ZSCAN10: variants seen among roughly 807,000 people sequenced by gnomAD.
ZSCAN10 encodes the protein zinc finger and SCAN domain containing 10.
ZSCAN10 carries 52 observed loss-of-function variants against 63.7 expected under a neutral mutation model. The ratio of observed to expected loss-of-function variants is 0.82; its 90% CI spans 0.65 to 1.03. ZSCAN10 has a LOEUF of 1.03. Ranked by LOEUF, ZSCAN10 falls within the 50% of genes least tolerant of loss-of-function variation. The pLI, the probability that ZSCAN10 is intolerant of heterozygous loss-of-function variation, is 0.00. For missense variants in ZSCAN10, 1,223 were observed against 1,103.8 expected (o/e 1.11, Z -1.53); for synonymous variants, 544 against 479.6 (o/e 1.13, Z -1.76).
At chr16:3,098,812 G>A (rs1957187450) in intron 1 of ZSCAN10, among the ~76,000 whole-genome samples, 1 of 152,220 alleles carries the variant, frequency 6.6e-6, no homozygotes, top group Non-Finnish European at 1.5e-5. Flanking sequence ...GGCAAAGGTG[G>A]GGTCCTCAGC....
intron 1 of ZSCAN10, among the ~76,000 whole-genome samples, chr16:3,094,183 T>C (rs967626944): frequency 6.7e-6 from 1 of 148,680 alleles, no homozygotes. Flanking sequence ...GGGTTAATTT[T>C]ATTTATTTTT....
rs369580061 is a variant in ZSCAN10, at chr16:3,092,282, C to T, written c.431G>A (p.Arg144His). The T allele has an allele frequency of 1.9e-5, 30 of 1,611,610 alleles. No individual in the cohort carries two copies. The highest frequency in any genetic ancestry group is 1.7e-4 in the Admixed American group (10 of 59,712). ...CTTTTCCTCCAAGGTGACGTCTGCA[C>T]GGGGACAACTCTTGCCAGCATTACA... is the stretch of plus-strand genomic sequence containing the variant. The part of the protein sequence containing the change: ...FSCNAGKSCP[R>H]ADVTLEEKGC... The change falls in exon 3 of 6, where the codon CGT becomes CAT. Residue 144 changes from arginine (R) to histidine (H), a missense_variant. By Grantham distance (29) the Arg-to-His change is conservative. Coordinates refer to ENST00000576985, the MANE Select transcript of ZSCAN10 (RefSeq NM_032805.3).
chr16:3,090,229 C>T lies in ZSCAN10; in HGVS notation c.1205G>A (p.Arg402Gln). Reference protein sequence around the residue: ...KLHMRTHTDERPHACHLCGHR... With the variant: ...KLHMRTHTDEQPHACHLCGHR... ...GCCGCACAGGTGGCAGGCGTGCGGC[C>T]GCTCGTCCGTGTGAGTGCGCATGTG... Residue 402 changes from arginine to glutamine, a missense_variant, in exon 6 of 6, where the codon CGG (arginine) becomes CAG (glutamine). Physicochemically the swap from Arg to Gln is conservative, Grantham distance 43. Transcript: ENST00000576985. 2 of 1,606,858 alleles carry T rather than the reference C, an allele frequency of 1.2e-6. No homozygotes were observed. Among genetic ancestry groups the T allele is most frequent in the Non-Finnish European group, 1.7e-6 (2 of 1,179,560 alleles).
rs1418855277 is a variant in ZSCAN10 at position 3,089,809 on chromosome 16, C to T, written c.1625G>A (p.Arg542Lys). Residue 542 changes from arginine to lysine, a missense_variant, in exon 6 of 6, where the codon AGG becomes AAG. Physicochemically the swap from Arg to Lys is conservative, Grantham distance 26. Transcript: ENST00000576985. The part of the protein sequence containing the change: ...RRSEHLVAHR[R>K]VHTGERPFSC... ...GAAGGGCCGCTCGCCCGTGTGCACC[C>T]TCCGGTGGGCCACCAGGTGCTCGCT... 5 of 1,579,580 alleles carry T rather than the reference C, an allele frequency of 3.2e-6. No homozygotes were observed. Among genetic ancestry groups the T allele is most frequent in the South Asian group, 1.1e-5 (1 of 88,492 alleles).
At chr16:3,093,386 G>A (rs973188390) in intron 1 of ZSCAN10, 2 of 152,226 alleles carry the variant, frequency 1.3e-5, no homozygotes, top group Non-Finnish European at 2.9e-5. Flanking sequence ...CAATTAGCCA[G>A]GCTAATTTAG....
At position 3,092,220 on chromosome 16, in the gene ZSCAN10, T is replaced by G. The variant is rs200920993; in HGVS notation, c.493A>C (p.Lys165Gln). 1 of 1,612,680 alleles carries G rather than the reference T, an allele frequency of 6.2e-7. No homozygotes were observed. Among genetic ancestry groups the G allele is most frequent in the East Asian group, 2.2e-5 (1 of 44,876 alleles). The change falls in exon 3 of 6, where the codon AAG (lysine) becomes CAG (glutamine). Residue 165 changes from lysine (K) to glutamine (Q), a missense_variant. Transcript: ENST00000576985. ...ASQVPSHSPKKELPAEEPSVL... is the reference protein window; with the variant it reads ...ASQVPSHSPKQELPAEEPSVL... ...GAAGGCTCTTCCGCAGGCAATTCCT[T>G]CTTGGGGCTGTGGCTGGGGACCTGG...
Position 3,090,626 on chromosome 16 carries a change from C to T in ZSCAN10, c.808G>A (p.Asp270Asn). The T allele has an allele frequency of 6.5e-7, 1 of 1,546,130 alleles. No homozygotes were observed. Among genetic ancestry groups the T allele is most frequent in the Non-Finnish European group, 8.7e-7 (1 of 1,146,158 alleles). Residue 270 changes from aspartate (D) to asparagine (N), a missense_variant, in exon 6 of 6, where the codon GAC (aspartate) becomes AAC (asparagine). Asp to Asn is a conservative substitution (Grantham distance 23). Coordinates refer to ENST00000576985, the MANE Select transcript of ZSCAN10 (RefSeq NM_032805.3). ...HPLGFGSRTP[D>N]KEEFKQEEPK... ...TCTTCTTGTTTAAATTCCTCCTTGT[C>T]TGGGGTTCTGCTTCCGAATCCTGGG...
chr16:3,089,567 G>C lies in ZSCAN10; in HGVS notation c.1867C>G (p.Arg623Gly). The stretch of plus-strand genomic sequence containing the variant: ...TCGCCCGTGTGGCTGCGCTGGTGGC[G>C]GGCCAGATCCTGGGTCTGGCCGAAA... ...KSFGQTQDLA[R>G]HQRSHTGEKP... Residue 623 changes from arginine (R) to glycine (G), a missense_variant, in exon 6 of 6, where the codon CGC becomes GGC. Physicochemically the swap from Arg to Gly is moderately radical, Grantham distance 125. Transcript: ENST00000576985. 1.9e-6 allele frequency: 3 copies of C among 1,591,892 alleles called. No individual in the cohort carries two copies. Among genetic ancestry groups the C allele is most frequent in the Admixed American group, 1.8e-5 (1 of 56,730 alleles).
In ZSCAN10 at chr16:3,089,558, G is replaced by T; in HGVS notation, c.1876C>A (p.Arg626Ser). The T allele has an allele frequency of 1.3e-6, 2 of 1,597,964 alleles. No homozygotes were observed. Among genetic ancestry groups the T allele is most frequent in the Non-Finnish European group, 1.7e-6 (2 of 1,172,738 alleles). Reference protein sequence around the residue: ...GQTQDLARHQRSHTGEKPCRC... With the variant: ...GQTQDLARHQSSHTGEKPCRC... ...CAGGGCTTCTCGCCCGTGTGGCTGC[G>T]CTGGTGGCGGGCCAGATCCTGGGTC... The change falls in exon 6 of 6, where the codon CGC becomes AGC. Residue 626 changes from arginine to serine, a missense_variant. Coordinates refer to ENST00000576985, the MANE Select transcript of ZSCAN10 (RefSeq NM_032805.3).
chr16:3,089,195 T>G lies in ZSCAN10; in HGVS notation c.2239A>C (p.Thr747Pro). The change falls in exon 6 of 6, where the codon ACG becomes CCG. Residue 747 changes from threonine to proline, a missense_variant. Thr to Pro is a conservative substitution (Grantham distance 38). Coordinates refer to ENST00000576985, the MANE Select transcript of ZSCAN10 (RefSeq NM_032805.3). ...GTGCAGGAGTAGGGCCTGGCGCCCG[T>G]GTGCACCAGCAGGTGTCGCAGCAGA... ...CNLLRHLLVH[T>P]GARPYSCTQC... The G allele has an allele frequency of 6.3e-7, 1 of 1,582,248 alleles. No individual in the cohort carries two copies. The highest frequency in any genetic ancestry group is 8.5e-7 in the Non-Finnish European group (1 of 1,171,528).
At position 3,090,315 on chromosome 16, in the gene ZSCAN10, C is replaced by T; in HGVS notation, c.1119G>A (p.Gly373=). 2 of 1,609,578 alleles carry T rather than the reference C, an allele frequency of 1.2e-6. No individual in the cohort carries two copies. The highest frequency in any genetic ancestry group is 1.7e-6 in the Non-Finnish European group (2 of 1,178,558). Residue 373 remains glycine (G), a synonymous_variant, in exon 6 of 6, where the codon GGG becomes GGA. Coordinates refer to ENST00000576985, the MANE Select transcript of ZSCAN10 (RefSeq NM_032805.3). ...CGCAGCAAAGGCACAGGAAGGAGCGCCCAGCCGGGTGCGAGCGCAGCTGGT... is the reference window on the plus strand; with the variant it reads ...CGCAGCAAAGGCACAGGAAGGAGCGTCCAGCCGGGTGCGAGCGCAGCTGGT... ...KAHQLRSHPA[G]RSFLCLCCGK...
At chr16:3,096,825 A>G (rs1269184774) in intron 1 of ZSCAN10, among the ~76,000 whole-genome samples, 1 of 151,544 alleles carries the variant, frequency 6.6e-6, no homozygotes, top group African/African-American at 2.4e-5. Flanking sequence ...GCTACTCAGG[A>G]GGCTGAGAGA....
At chr16:3,098,116 A>G (rs960046238) in intron 1 of ZSCAN10, among the ~76,000 whole-genome samples, 4 of 151,826 alleles carry the variant, frequency 2.6e-5, no homozygotes, top group Admixed American at 1.3e-4. Context: ...GGGAGGGGGA[A>G]GAAAATGGGA....
intron 1 of ZSCAN10, among the ~76,000 whole-genome samples, chr16:3,093,673 A>C (rs1029224456): frequency 8.1e-5 from 12 of 147,970 alleles, no homozygotes; most frequent in African/African-American, 3.1e-4. Context: ...TTGTTTTTTA[A>C]AGCTTTTTTT....
chr16:3,092,909 A>G lies in ZSCAN10; in HGVS notation c.29T>C (p.Val10Ala). 2 of 1,436,702 alleles carry G rather than the reference A, an allele frequency of 1.4e-6. No individual in the cohort carries two copies. The highest frequency in any genetic ancestry group is 1.8e-6 in the Non-Finnish European group (2 of 1,094,700). 89.0% of individuals were successfully genotyped at this position (1,436,702 alleles called of 1,614,324 possible). A position where few individuals can be genotyped will look rare whatever the true frequency, so the allele number is the denominator to read the frequency against. Residue 10 changes from valine (V) to alanine (A), a missense_variant, in exon 2 of 6, where the codon GTG becomes GCG. Physicochemically the swap from Val to Ala is moderately conservative, Grantham distance 64 (BLOSUM62 0). Transcript: ENST00000576985. MLGESVPAAVEQEQLGEVKL... is the reference protein window; with the variant it reads MLGESVPAAAEQEQLGEVKL... ...GACTTCCCCCAGCTGCTCCTGCTCC[A>G]CGGCAGCTGGGACTGATTCTCCAAG...
Position 3,094,130 on chromosome 16 carries a change from A to C in ZSCAN10, c.-67-1126T>G, listed in dbSNP as rs554255659. 1.7e-4 allele frequency among the ~76,000 whole-genome samples: 26 copies of C among 152,262 alleles called. No individual in the cohort carries two copies. In the South Asian group the frequency reaches 4.8e-3, roughly 28 times the overall value. On this transcript the variant is annotated intron_variant, in intron 1 of 5. Transcript: ENST00000576985. ...TGGGCTCAAGTGATCCTCCCGCGTCAGCCTCCCGAGTAGCTGGGACTACAG... is the reference window on the plus strand; with the variant it reads ...TGGGCTCAAGTGATCCTCCCGCGTCCGCCTCCCGAGTAGCTGGGACTACAG...
At chr16:3,098,040 C>T (rs1379431234) in intron 1 of ZSCAN10, among the ~76,000 whole-genome samples, 2 of 70,644 alleles carry the variant, frequency 2.8e-5, no homozygotes, top group Admixed American at 1.9e-4. Context: ...AAGACCCTGT[C>T]TCAAAAAAAA....
chr16:3,091,148 C>T (rs569755481), intron 5 of ZSCAN10, among the ~76,000 whole-genome samples: 2 of 150,854 alleles, frequency 1.3e-5, no homozygotes, highest in Non-Finnish European at 1.5e-5. Flanking sequence ...TTTTATTTGA[C>T]CTCTCTACAA....
chr16:3,094,958 TA>T lies in ZSCAN10; in HGVS notation c.-67-1955del, dbSNP rs1957135442. The stretch of plus-strand genomic sequence containing the variant: ...TTTCTGAGATGAAAGTCTAGTCTTG[TA>T]ATATATAGGAAATGGCTGAGTTCTT... On this transcript the variant is annotated intron_variant, in intron 1 of 5. Coordinates refer to ENST00000576985, the MANE Select transcript of ZSCAN10 (RefSeq NM_032805.3). 2.6e-5 allele frequency among the ~76,000 whole-genome samples: 4 copies of T among 151,252 alleles called. No individual in the cohort carries two copies. The South Asian group carries it at 8.4e-4, about 32-fold the overall frequency.
Sources: gnomAD v4.1 joint callset for allele counts (sites outside exome capture counted in the v4.1 genomes callset) on GRCh38, gnomAD v4.1.1 for gene constraint, MANE v1.5 for transcripts, NCBI Gene and HGNC (gene_info 2026-07-23, HGNC 2026-07-21) for gene names.